Variants in C10orf71 observed in about 807,000 individuals in gnomAD.
C10orf71 encodes the protein cardiac-enriched FHL2-interacting protein.
For synonymous variants in C10orf71, 758 were observed against 726.3 expected, an observed-to-expected ratio of 1.04 and a Z score of -0.70; for missense variants, 1,869 against 1,804.5, an observed-to-expected ratio of 1.04 and a Z score of -0.65.
In C10orf71 at chr10:49,322,838, C is replaced by T. The variant is rs1849121497; in HGVS notation, c.293C>T (p.Thr98Ile). 6.2e-7 allele frequency: 1 copy of T among 1,613,966 alleles called. No homozygotes were observed. Among genetic ancestry groups the T allele is most frequent in the Non-Finnish European group, 8.5e-7 (1 of 1,179,878 alleles). The change falls in exon 3 of 3, where the codon ACC becomes ATC. Residue 98 changes from threonine (T) to isoleucine (I), a missense_variant. Coordinates refer to ENST00000374144, the MANE Select transcript of C10orf71 (RefSeq NM_001135196.2). ...ACGGAACATTCGGGCTGGGCGGCCA[C>T]CTTCCAACAGCTACCCAAGTACGTT... ...QGTEHSGWAATFQQLPKYVQG... is the reference protein window; with the variant it reads ...QGTEHSGWAAIFQQLPKYVQG...
In C10orf71 at chr10:49,325,836, C is replaced by A; in HGVS notation, c.3291C>A (p.Ser1097Arg). 1 of 1,551,312 alleles carries A rather than the reference C, an allele frequency of 6.4e-7. No homozygotes were observed. The highest frequency in any genetic ancestry group is 1.7e-4 in the Middle Eastern group (1 of 5,990). ...ELLPEEPNQA[S>R]PWASSSPARV... The stretch of plus-strand genomic sequence containing the variant: ...TTCCCGAGGAGCCTAATCAAGCCAG[C>A]CCCTGGGCCAGCTCCAGTCCTGCCA... Residue 1097 changes from serine (S) to arginine (R), a missense_variant, in exon 3 of 3, where the codon AGC becomes AGA. Physicochemically the swap from Ser to Arg is moderately radical, Grantham distance 110 (BLOSUM62 -1). Transcript: ENST00000374144.
At chr10:49,321,816 C>CT (rs1195801843) in intron 2 of C10orf71, among the ~76,000 whole-genome samples, 44 of 152,164 alleles carry the variant, frequency 2.9e-4, no homozygotes, top group African/African-American at 1.0e-3. Context: ...TGGTGAGCCC[C>CT]TTTTTATATA....
rs1849200646 is a variant in C10orf71, at chr10:49,325,256, G to T, written c.2711G>T (p.Gly904Val). The stretch of plus-strand genomic sequence containing the variant: ...AGGCCAGAATGGGGTGAGGATCCTG[G>T]GTTTTGTGCCCCCGAAAACCAGGAC... The part of the protein sequence containing the change: ...LPRPEWGEDP[G>V]FCAPENQDIL... The change falls in exon 3 of 3, where the codon GGG becomes GTG. Residue 904 changes from glycine to valine, a missense_variant. Gly to Val is a moderately radical substitution (Grantham distance 109, BLOSUM62 -3). Coordinates refer to ENST00000374144, the MANE Select transcript of C10orf71 (RefSeq NM_001135196.2). The T allele has an allele frequency of 6.4e-7, 1 of 1,551,782 alleles. No homozygotes were observed. Among genetic ancestry groups the T allele is most frequent in the African/African-American group, 1.4e-5 (1 of 73,152 alleles).
Position 49,327,089 on chromosome 10 carries a change from G to A in C10orf71, c.*236G>A, listed in dbSNP as rs866627875. On this transcript the variant is annotated 3_prime_UTR_variant, in exon 3 of 3. Coordinates refer to ENST00000374144, the MANE Select transcript of C10orf71 (RefSeq NM_001135196.2). ...TGGAGGGGCACTGCTTGCTTGGCCC[G>A]GTCCCCTCCGTGCCAGTTCCCAGGC... 18 of 1,434,690 alleles carry A rather than the reference G, an allele frequency of 1.3e-5. No homozygotes were observed. Among genetic ancestry groups the A allele is most frequent in the Non-Finnish European group, 1.4e-5 (15 of 1,072,064 alleles). The allele number at this position is 1,434,690 out of a possible 1,614,324, so 88.9% of individuals were successfully genotyped here.
At chr10:49,322,099 G>C (rs1300988320) in intron 2 of C10orf71, among the ~76,000 whole-genome samples, 1 of 151,994 alleles carries the variant, frequency 6.6e-6, no homozygotes, top group Non-Finnish European at 1.5e-5. Flanking sequence ...GTCTATTTTT[G>C]TTTGTGTTGC....
chr10:49,299,403 T>G (rs1848685262), intron 1 of C10orf71, 170 bp downstream of exon 1: 1 of 152,472 alleles, frequency 6.6e-6, no homozygotes, highest in South Asian at 2.1e-4. Flanking sequence ...GAGCCGGGTT[T>G]CTCTCCCATT....
chr10:49,323,959 C>G lies in C10orf71; in HGVS notation c.1414C>G (p.Pro472Ala), dbSNP rs1369321408. 6.2e-7 allele frequency: 1 copy of G among 1,613,792 alleles called. No homozygotes were observed. Among genetic ancestry groups the G allele is most frequent in the Non-Finnish European group, 8.5e-7 (1 of 1,179,818 alleles). ...GCCAGCAGAGCGAACCCCATCACCC[C>G]CAGGACAGCTAAACGGATACCAAGA... ...SQPAERTPSPPGQLNGYQEKE... is the reference protein window; with the variant it reads ...SQPAERTPSPAGQLNGYQEKE... The change falls in exon 3 of 3, where the codon CCA (proline) becomes GCA (alanine). Residue 472 changes from proline to alanine, a missense_variant. Physicochemically the swap from Pro to Ala is conservative, Grantham distance 27. Transcript: ENST00000374144.
intron 1 of C10orf71, among the ~76,000 whole-genome samples, chr10:49,310,973 T>C (rs1022679310): frequency 2.0e-5 from 3 of 151,714 alleles, no homozygotes; most frequent in African/African-American, 7.3e-5. Flanking sequence ...TTTCACTCAG[T>C]GTCCTGTATT....
intron 2 of C10orf71, among the ~76,000 whole-genome samples, chr10:49,319,376 G>C (rs1849052228): frequency 6.6e-6 from 1 of 151,682 alleles, no homozygotes; most frequent in South Asian, 2.1e-4. Flanking sequence ...AACAAGTGTT[G>C]CAAGGATGTG....
At position 49,322,860 on chromosome 10, in the gene C10orf71, C is replaced by G; in HGVS notation, c.315C>G (p.Tyr105Ter). The stretch of plus-strand genomic sequence containing the variant: ...CCACCTTCCAACAGCTACCCAAGTA[C>G]GTTCAGGGAGAGGAAAAGTACCCCA... ...WAATFQQLPK[Y>*]VQGEEKYPKT... is the part of the protein sequence containing the mutation. Residue 105 changes from tyrosine (Y) to a stop codon, truncating the protein, a stop_gained, in exon 3 of 3, where the codon TAC (tyrosine) becomes TAG (stop). Transcript: ENST00000374144. LOFTEE classifies it low-confidence loss of function (END_TRUNC). The G allele has an allele frequency of 6.2e-7, 1 of 1,613,964 alleles. No individual in the cohort carries two copies. Among genetic ancestry groups the G allele is most frequent in the South Asian group, 1.1e-5 (1 of 91,078 alleles).
At chr10:49,311,352 G>T (rs905266188) in intron 1 of C10orf71, among the ~76,000 whole-genome samples, 7 of 152,216 alleles carry the variant, frequency 4.6e-5, no homozygotes, top group African/African-American at 1.4e-4. Context: ...GCGGAAGTTG[G>T]ACTGCATGAC....
chr10:49,298,842 A>T (rs565743993), upstream of C10orf71: 3 of 152,164 alleles, frequency 2.0e-5, no homozygotes, highest in Non-Finnish European at 4.4e-5. Flanking sequence ...TCCAGAGCCG[A>T]TGATGAAACG....
At position 49,322,668 on chromosome 10, in the gene C10orf71, C is replaced by T; in HGVS notation, c.123C>T (p.Cys41=). Residue 41 remains cysteine, a synonymous_variant, in exon 3 of 3, where the codon TGC becomes TGT. Transcript: ENST00000374144. ...CAGACCGGGCATTCCGGAGTTTGTG[C>T]ATCTCCGAGGACACATCCTTCCATG... ...SLTDRAFRSL[C]ISEDTSFHDS... is the part of the protein sequence containing the mutation. 1 of 1,613,724 alleles carries T rather than the reference C, an allele frequency of 6.2e-7. No homozygotes were observed. Among genetic ancestry groups the T allele is most frequent in the Non-Finnish European group, 8.5e-7 (1 of 1,179,746 alleles).
upstream of C10orf71, chr10:49,298,599 G>C (rs368355903): frequency 2.0e-4 from 31 of 152,378 alleles, no homozygotes; most frequent in African/African-American, 6.3e-4. Flanking sequence ...GGTGGAGAGG[G>C]GAGCCTGGCA....
At chr10:49,298,888 G>T (rs1848677956), upstream of C10orf71, 1 of 152,272 alleles carries the variant, frequency 6.6e-6, no homozygotes, top group Non-Finnish European at 1.5e-5. Flanking sequence ...CAGGGCTCTG[G>T]GCTCTGGCTC....
In C10orf71 at chr10:49,324,675, T is replaced by C; in HGVS notation, c.2130T>C (p.Phe710=). The C allele has an allele frequency of 1.2e-6, 2 of 1,611,962 alleles. No homozygotes were observed. Among genetic ancestry groups the C allele is most frequent in the Non-Finnish European group, 1.7e-6 (2 of 1,179,050 alleles). ...TCTCTCCTGAGGAGGAAGATGTGTTTTACAGTGACAGCCAATCCGATTTTA... is the reference window on the plus strand; with the variant it reads ...TCTCTCCTGAGGAGGAAGATGTGTTCTACAGTGACAGCCAATCCGATTTTA... ...GPLSPEEEDV[F]YSDSQSDFMP... The change falls in exon 3 of 3, where the codon TTT becomes TTC. Residue 710 remains phenylalanine (F), a synonymous_variant. Transcript: ENST00000374144.
chr10:49,319,375 T>C (rs1183361924), intron 2 of C10orf71, among the ~76,000 whole-genome samples: 1 of 151,558 alleles, frequency 6.6e-6, no homozygotes, highest in Non-Finnish European at 1.5e-5. Flanking sequence ...TAACAAGTGT[T>C]GCAAGGATGT....
intron 1 of C10orf71, among the ~76,000 whole-genome samples, chr10:49,312,644 C>T (rs752961812): frequency 4.6e-5 from 7 of 152,288 alleles, no homozygotes; most frequent in South Asian, 2.1e-4. Context: ...GGTGAAGTCA[C>T]GATGAAGTCT....
At chr10:49,314,587 G>A (rs1346542461) in intron 1 of C10orf71, among the ~76,000 whole-genome samples, 1 of 152,232 alleles carries the variant, frequency 6.6e-6, no homozygotes, top group East Asian at 1.9e-4. Context: ...CAAGCACAGG[G>A]TGAGGGGTGC....
Sources: allele counts gnomAD v4.1 joint callset (sites outside exome capture counted in the v4.1 genomes callset), GRCh38; gene constraint gnomAD v4.1.1; transcripts MANE v1.5; gene names NCBI Gene and HGNC (gene_info 2026-07-23, HGNC 2026-07-21).